The following ARL15 variants were observed in gnomAD, a reference collection of about 807,000 sequenced individuals.
ARL15 encodes the protein ADP-ribosylation factor-like protein 15.
A neutral mutation model predicts 25.2 loss-of-function variants in ARL15; 19 were observed. The ratio of observed to expected loss-of-function variants is 0.75; its 90% CI spans 0.53 to 1.10. ARL15 has a LOEUF of 1.10. ARL15 is among the 50% of genes least tolerant of loss of function. The probability of loss-of-function intolerance (pLI) is 0.00; values close to 1 mark genes in which losing one functional copy is unlikely to be tolerated. For missense variants in ARL15, 220 were observed against 246.0 expected, an observed-to-expected ratio of 0.89 and a Z score of 0.71; for synonymous variants, 94 against 86.8, an observed-to-expected ratio of 1.08 and a Z score of -0.46.
chr5:54,150,671 G>A (rs1298709361), intron 3 of ARL15, among the ~76,000 whole-genome samples: 1 of 152,006 alleles, frequency 6.6e-6, no homozygotes, highest in Non-Finnish European at 1.5e-5. Flanking sequence ...GGTGGCTCAT[G>A]CCTGTAAACC....
At chr5:54,169,176 A>C (rs984936415) in intron 2 of ARL15, among the ~76,000 whole-genome samples, 3 of 152,198 alleles carry the variant, frequency 2.0e-5, no homozygotes, top group Admixed American at 2.0e-4. Context: ...ATATACAGAT[A>C]ATCTTTTACA....
In ARL15 at chr5:53,963,281, G is replaced by A. The variant is rs573221402; in HGVS notation, c.463-76568C>T. 3.3e-5 allele frequency among the ~76,000 whole-genome samples: 5 copies of A among 152,244 alleles called. No individual in the cohort carries two copies. The East Asian group carries it at 9.7e-4, about 29-fold the overall frequency. The stretch of plus-strand genomic sequence containing the variant: ...ATTTTGGTTTTCCAAAACTTTTGCA[G>A]ACTTTGGCATGGTAAAAATACATCT... On this transcript the variant is annotated intron_variant, in intron 4 of 4. Transcript: ENST00000504924.
At chr5:54,211,661 A>T (rs980893897) in intron 1 of ARL15, among the ~76,000 whole-genome samples, 1 of 151,924 alleles carries the variant, frequency 6.6e-6, no homozygotes, top group African/African-American at 2.4e-5. Flanking sequence ...TAGTAGAGAC[A>T]GGGTTTTGCC....
intron 1 of ARL15, among the ~76,000 whole-genome samples, chr5:54,192,012 T>G (rs529847155): frequency 2.6e-5 from 4 of 152,234 alleles, no homozygotes; most frequent in Admixed American, 6.6e-5. Flanking sequence ...CTACTACTAT[T>G]TCTTCACTCA....
intron 1 of ARL15, among the ~76,000 whole-genome samples, chr5:54,278,686 T>A (rs1209580774): frequency 6.6e-6 from 1 of 152,192 alleles, no homozygotes; most frequent in Non-Finnish European, 1.5e-5. Flanking sequence ...TCTCCACCAC[T>A]GATAATGTCT....
At chr5:54,206,515 G>A (rs1312300890) in intron 1 of ARL15, among the ~76,000 whole-genome samples, 1 of 152,194 alleles carries the variant, frequency 6.6e-6, no homozygotes, top group African/African-American at 2.4e-5. Context: ...TCAAAAAGCT[G>A]AGAGGGAAAG....
At chr5:53,920,651 TAATAAATAAATAAATA>T (rs377705778) in intron 4 of ARL15, among the ~76,000 whole-genome samples, 8 of 141,160 alleles carry the variant, frequency 5.7e-5, no homozygotes, top group Non-Finnish European at 9.2e-5. Context: ...TATTAAAAAA[TAATAAATAAATAAATA>T]AATAAATAAA....
At chr5:54,031,421 C>G (rs1280318293) in intron 4 of ARL15, among the ~76,000 whole-genome samples, 1 of 152,124 alleles carries the variant, frequency 6.6e-6, no homozygotes, top group Non-Finnish European at 1.5e-5. Flanking sequence ...TTAAAGGAAA[C>G]ATTCAAGTTT....
chr5:53,987,830 C>T (rs1353858814), intron 4 of ARL15, among the ~76,000 whole-genome samples: 1 of 152,072 alleles, frequency 6.6e-6, no homozygotes, highest in Non-Finnish European at 1.5e-5. Context: ...GGGCCAGGTG[C>T]GGTGGCTCAT....
At chr5:54,118,353 C>G (rs1018319712) in intron 3 of ARL15, among the ~76,000 whole-genome samples, 4 of 152,272 alleles carry the variant, frequency 2.6e-5, no homozygotes, top group African/African-American at 9.6e-5. Flanking sequence ...GCATCCGGCC[C>G]TCTTCTATTA....
At chr5:54,066,846 A>G (rs1751250105) in intron 4 of ARL15, among the ~76,000 whole-genome samples, 1 of 152,220 alleles carries the variant, frequency 6.6e-6, no homozygotes, top group Non-Finnish European at 1.5e-5. Flanking sequence ...AATATAAAAA[A>G]ATTATTACTA....
chr5:53,979,270 C>A (rs574134712), intron 4 of ARL15, among the ~76,000 whole-genome samples: 1 of 152,084 alleles, frequency 6.6e-6, no homozygotes, highest in South Asian at 2.1e-4. Flanking sequence ...TGGTGGCTCA[C>A]GCCTATAATC....
rs76751172 is a variant in ARL15, at chr5:53,992,485, T to C, written c.463-105772A>G. The stretch of plus-strand genomic sequence containing the variant: ...GGTTAGGTTACAATTTTAAAGGCAA[T>C]ACTTTTATGGCAGTACCTACCCAAA... On this transcript the variant is annotated intron_variant, in intron 4 of 4. Coordinates refer to ENST00000504924, the MANE Select transcript of ARL15 (RefSeq NM_019087.3). 9.4e-3 allele frequency among the ~76,000 whole-genome samples: 1,426 copies of C among 152,354 alleles called. 13 individuals carry two copies. Among genetic ancestry groups the C allele is most frequent in the Non-Finnish European group, 0.015 (1,030 of 68,032 alleles).
At chr5:53,888,880 G>A (rs1744626405) in intron 4 of ARL15, among the ~76,000 whole-genome samples, 1 of 152,140 alleles carries the variant, frequency 6.6e-6, no homozygotes, top group African/African-American at 2.4e-5. Flanking sequence ...TGTTGGTCTT[G>A]TTGCTTCTGC....
intron 1 of ARL15, among the ~76,000 whole-genome samples, chr5:54,292,246 G>A (rs534169938): frequency 6.6e-6 from 1 of 151,994 alleles, no homozygotes; most frequent in South Asian, 2.1e-4. Context: ...TGCTGTTGAT[G>A]TTCTTGCTTC....
chr5:54,213,735 G>T (rs1756107073), intron 1 of ARL15, among the ~76,000 whole-genome samples: 1 of 152,008 alleles, frequency 6.6e-6, no homozygotes, highest in Non-Finnish European at 1.5e-5. Flanking sequence ...CAATAAATGG[G>T]TCATAATTTA....
intron 1 of ARL15, among the ~76,000 whole-genome samples, chr5:54,222,597 T>C (rs867746312): frequency 7.9e-5 from 12 of 152,122 alleles, no homozygotes; most frequent in African/African-American, 2.4e-4. Context: ...ATGAAAGTAT[T>C]TGTGCTGTTA....
intron 1 of ARL15, chr5:54,286,237 A>C (rs1011690855): frequency 6.6e-6 from 1 of 152,212 alleles, no homozygotes; most frequent in Non-Finnish European, 1.5e-5. Flanking sequence ...ATGATAATCT[A>C]CCCAAAGAGA....
At chr5:54,202,752 C>T (rs370170263) in intron 1 of ARL15, among the ~76,000 whole-genome samples, 1 of 152,150 alleles carries the variant, frequency 6.6e-6, no homozygotes, top group East Asian at 1.9e-4. Context: ...ATTTCATATG[C>T]AATTATCCTT....
Sources: gnomAD v4.1 joint callset for allele counts (sites outside exome capture counted in the v4.1 genomes callset) on GRCh38, gnomAD v4.1.1 for gene constraint, MANE v1.5 for transcripts, NCBI Gene and HGNC (gene_info 2026-07-23, HGNC 2026-07-21) for gene names.